KIF6: variants seen among roughly 807,000 people sequenced by gnomAD.
The protein encoded by KIF6 is kinesin family member 6, also known as kinesin-like protein KIF6.
KIF6 carries 106 observed loss-of-function variants against 112.7 expected under a neutral mutation model. That is an observed-to-expected ratio of 0.94 (90% CI 0.80 to 1.11). KIF6 has a LOEUF of 1.11. KIF6 is among the 50% of genes least tolerant of loss of function. The pLI is 0.00. For synonymous variants in KIF6, 339 were observed against 339.9 expected (o/e 1.00, Z 0.03); for missense variants, 929 against 964.0 (o/e 0.96, Z 0.48).
At chr6:39,635,230 CA>C (rs567185665) in intron 4 of KIF6, among the ~76,000 whole-genome samples, 8 of 151,952 alleles carry the variant, frequency 5.3e-5, no homozygotes, top group Middle Eastern at 3.2e-3. Context: ...TATACACTTA[CA>C]ATGAGCCAAC....
rs986696511 is a variant in KIF6 at position 39,536,899 on chromosome 6, G to A, written c.1645+3104C>T. ...AGTGGGCTTCATCCCTGGGATGCAA[G>A]GCTGGTTCAATATATGCAAATCAAT... On this transcript the variant is annotated intron_variant, in intron 13 of 22. Transcript: ENST00000287152. Among the ~76,000 whole-genome samples, 778 of 152,270 alleles carry A rather than the reference G, an allele frequency of 5.1e-3. 6 individuals carry two copies. Among genetic ancestry groups the A allele is most frequent in the African/African-American group, 0.018 (729 of 41,540 alleles).
At chr6:39,578,309 T>C in intron 9 of KIF6, 150 bp from the exon 10 acceptor site, 1 of 590,604 alleles carries the variant, frequency 1.7e-6, no homozygotes, top group Non-Finnish European at 3.0e-6. Context: ...AATCTTAACG[T>C]TTTGTCAAAA....
intron 6 of KIF6, among the ~76,000 whole-genome samples, chr6:39,610,523 T>C (rs1783159119): frequency 6.6e-6 from 1 of 152,248 alleles, no homozygotes; most frequent in Non-Finnish European, 1.5e-5. Context: ...ATGATTCGTT[T>C]GTTCTTTTTA....
intron 13 of KIF6, chr6:39,431,446 G>A (rs771382856): frequency 4.1e-5 from 13 of 316,264 alleles, no homozygotes; most frequent in Admixed American, 2.9e-4. Flanking sequence ...AAACCACAGC[G>A]CCAAGCCCTG....
intron 21 of KIF6, among the ~76,000 whole-genome samples, chr6:39,345,251 C>T (rs920509158): frequency 6.6e-6 from 1 of 152,362 alleles, no homozygotes; most frequent in Non-Finnish European, 1.5e-5. Flanking sequence ...GCAGGCAGGG[C>T]AGAGGCTGTG....
chr6:39,583,570 C>G (rs1026437876), intron 9 of KIF6: 21 of 447,190 alleles, frequency 4.7e-5, no homozygotes, highest in Middle Eastern at 6.8e-4. Flanking sequence ...GGAGAAAGGA[C>G]AAACAATCAA....
At chr6:39,584,865 A>G (rs1781532872) in intron 9 of KIF6, 33 bp downstream of exon 9, 8 of 1,323,616 alleles carry the variant, frequency 6.0e-6, no homozygotes, top group East Asian at 2.3e-5. Flanking sequence ...ATACTTTAAT[A>G]TATTTTTTAA....
Position 39,584,459 on chromosome 6 carries a change from A to AAAAAAGAC in KIF6, c.1077+438_1077+439insGTCTTTTT, listed in dbSNP as rs1561836472. The stretch of plus-strand genomic sequence containing the variant: ...AAAAAAAAAAAAAAAAAAAAAAAAA[A>AAAAAAGAC]AGACTATTATTGTCTCTAGATAGTT... On this transcript the variant is annotated intron_variant, in intron 9 of 22. Transcript: ENST00000287152. 2.8e-4 allele frequency among the ~76,000 whole-genome samples: 36 copies of AAAAAAGAC among 128,612 alleles called. 1 individual carries two copies. The highest frequency in any genetic ancestry group is 5.8e-4 in the South Asian group (2 of 3,450). 84.4% of individuals were successfully genotyped at this position (128,612 alleles called of 152,430 possible). A position where few individuals can be genotyped will look rare whatever the true frequency, so the allele number is the denominator to read the frequency against.
At chr6:39,643,209 AG>A (rs1489052800) in intron 3 of KIF6, among the ~76,000 whole-genome samples, 1 of 152,208 alleles carries the variant, frequency 6.6e-6, no homozygotes, top group Non-Finnish European at 1.5e-5. Flanking sequence ...GCAGGATTGT[AG>A]GGTACAAGTC....
intron 5 of KIF6, among the ~76,000 whole-genome samples, chr6:39,620,839 G>A (rs1783776156): frequency 1.3e-5 from 2 of 151,962 alleles, no homozygotes; most frequent in South Asian, 4.2e-4. Context: ...CACGATCTTG[G>A]CTCACTGCAA....
chr6:39,336,510 T>C lies in KIF6; in HGVS notation c.*22A>G, dbSNP rs549521015. 1.2e-6 allele frequency: 2 copies of C among 1,612,764 alleles called. No individual in the cohort carries two copies. The highest frequency in any genetic ancestry group is 2.2e-5 in the South Asian group (2 of 91,036). ...GCTTCATTCTTGCTGGCATAATTCA[T>C]GGATGGATATTTCCTGGAAATTCAA... On this transcript the variant is annotated 3_prime_UTR_variant, in exon 23 of 23. Transcript: ENST00000287152.
chr6:39,504,727 C>T (rs1776339840), intron 13 of KIF6, among the ~76,000 whole-genome samples: 1 of 152,136 alleles, frequency 6.6e-6, no homozygotes, highest in Admixed American at 6.5e-5. Flanking sequence ...AGAGCCAAAT[C>T]ATAAATGAAC....
At position 39,342,193 on chromosome 6, in the gene KIF6, A is replaced by G. The variant is rs1763357740; in HGVS notation, c.2428+1516T>C. On this transcript the variant is annotated intron_variant, in intron 22 of 22. Transcript: ENST00000287152. This position sits in a 1 kb window ranked among gnomAD's most constrained non-coding sequence, Gnocchi z 4.7. ...ACTGTGCATTCCCAGAACGCGGCGTAGCTGCTCCATTCTCATGATGCAGCT... is the reference window on the plus strand; with the variant it reads ...ACTGTGCATTCCCAGAACGCGGCGTGGCTGCTCCATTCTCATGATGCAGCT... Among the ~76,000 whole-genome samples the G allele has an allele frequency of 1.3e-5, 2 of 152,214 alleles. No homozygotes were observed. Among genetic ancestry groups the G allele is most frequent in the African/African-American group, 4.8e-5 (2 of 41,456 alleles).
chr6:39,546,580 CT>C (rs1186899750), intron 10 of KIF6, among the ~76,000 whole-genome samples: 4 of 152,176 alleles, frequency 2.6e-5, no homozygotes, highest in Admixed American at 1.3e-4. Flanking sequence ...AATCCCAGCA[CT>C]TTGGGAGGCC....
chr6:39,631,198 A>G (rs1784336078), intron 5 of KIF6, among the ~76,000 whole-genome samples: 1 of 150,462 alleles, frequency 6.6e-6, no homozygotes, highest in Non-Finnish European at 1.5e-5. Context: ...ATGAGTTAAA[A>G]CATGTTTCCT....
intron 13 of KIF6, among the ~76,000 whole-genome samples, chr6:39,450,752 C>T (rs368057968): frequency 2.6e-5 from 4 of 152,278 alleles, no homozygotes; most frequent in South Asian, 4.1e-4. Flanking sequence ...CTTCAGTCAG[C>T]CATAATCGCA....
At chr6:39,706,445 G>C (rs12213318) in intron 3 of KIF6, among the ~76,000 whole-genome samples, 7,715 of 152,246 alleles carry the variant, frequency 0.051, 534 homozygotes, top group East Asian at 0.38. Context: ...GTCCTTGATG[G>C]AGCTTGTCAA....
intron 3 of KIF6, among the ~76,000 whole-genome samples, chr6:39,712,392 G>C (rs1410387014): frequency 6.6e-6 from 1 of 151,910 alleles, no homozygotes; most frequent in African/African-American, 2.4e-5. Flanking sequence ...ATTGATAAAA[G>C]ATAAAACCCA....
At chr6:39,428,234 G>A (rs528813854) in intron 14 of KIF6, among the ~76,000 whole-genome samples, 10 of 152,288 alleles carry the variant, frequency 6.6e-5, no homozygotes, top group African/African-American at 2.2e-4. Context: ...AGCTCTGTTG[G>A]TTGTTTTAAT....
Sources: gnomAD v4.1 joint callset for allele counts (sites outside exome capture counted in the v4.1 genomes callset) on GRCh38, gnomAD v4.1.1 for gene constraint, Gnocchi (gnomAD v3.1) non-coding constraint, MANE v1.5 for transcripts, NCBI Gene and HGNC (gene_info 2026-07-23, HGNC 2026-07-21) for gene names.